Variants in HECW1 observed in about 807,000 individuals in gnomAD.
The protein encoded by HECW1 is HECT, C2 and WW domain containing E3 ubiquitin protein ligase 1.
HECW1 carries 61 observed loss-of-function variants against 182.3 expected under a neutral mutation model. That is an observed-to-expected ratio of 0.33 (90% CI 0.27 to 0.41). HECW1 has a LOEUF of 0.41. Ranked by LOEUF, HECW1 falls within the 10% of genes least tolerant of loss-of-function variation. The pLI is 1.00. For synonymous variants in HECW1, 859 were observed against 832.6 expected, an observed-to-expected ratio of 1.03 and a Z score of -0.55; for missense variants, 1,739 against 2,108.9, an observed-to-expected ratio of 0.82 and a Z score of 3.44.
chr7:43,134,793 A>G (rs1787346030), intron 2 of HECW1, among the ~76,000 whole-genome samples: 1 of 152,154 alleles, frequency 6.6e-6, no homozygotes, highest in African/African-American at 2.4e-5. Context: ...CTTTTTCCCC[A>G]AGACTCTTGA....
At chr7:43,180,439 A>C (rs1472347644) in intron 2 of HECW1, among the ~76,000 whole-genome samples, 3 of 152,100 alleles carry the variant, frequency 2.0e-5, no homozygotes, top group Admixed American at 6.5e-5. Context: ...TCTGTCGCCC[A>C]GGCTGGAGTG....
At chr7:43,385,398 G>T (rs1484564376) in intron 6 of HECW1, among the ~76,000 whole-genome samples, 1 of 149,504 alleles carries the variant, frequency 6.7e-6, no homozygotes, top group Non-Finnish European at 1.5e-5. Flanking sequence ...TCTGTCTTCT[G>T]CCCTCTAATT....
At chr7:43,343,577 C>T (rs1310126644) in intron 5 of HECW1, among the ~76,000 whole-genome samples, 1 of 151,746 alleles carries the variant, frequency 6.6e-6, no homozygotes, top group East Asian at 1.9e-4. Flanking sequence ...TCATCCATGT[C>T]CCTGCAAAGG....
intron 2 of HECW1, among the ~76,000 whole-genome samples, chr7:43,190,200 A>G (rs1299191162): frequency 6.6e-6 from 1 of 151,862 alleles, no homozygotes; most frequent in Non-Finnish European, 1.5e-5. Flanking sequence ...TGCAACCTCC[A>G]CCTCCTGGGT....
intron 3 of HECW1, among the ~76,000 whole-genome samples, chr7:43,270,774 A>C (rs913877452): frequency 1.3e-5 from 2 of 152,264 alleles, no homozygotes; most frequent in African/African-American, 4.8e-5. Context: ...AAAGAGTTAA[A>C]TAATGTGGCA....
At chr7:43,447,362 G>A (rs2077090713) in intron 11 of HECW1, among the ~76,000 whole-genome samples, 1 of 152,172 alleles carries the variant, frequency 6.6e-6, no homozygotes, top group South Asian at 2.1e-4. Context: ...CCCTTTAGAG[G>A]CCAACAGTCT....
At chr7:43,280,000 C>G (rs1037486862) in intron 3 of HECW1, among the ~76,000 whole-genome samples, 5 of 152,202 alleles carry the variant, frequency 3.3e-5, no homozygotes, top group Non-Finnish European at 5.9e-5. Flanking sequence ...ATGGTCTTCA[C>G]AGCTCACTGG....
intron 2 of HECW1, among the ~76,000 whole-genome samples, chr7:43,231,786 G>A (rs1318614890): frequency 6.6e-6 from 1 of 152,028 alleles, no homozygotes; most frequent in African/African-American, 2.4e-5. Flanking sequence ...GGAGGCCAAG[G>A]TGGGCGGATC....
chr7:43,145,961 G>A (rs1238176421), intron 2 of HECW1, among the ~76,000 whole-genome samples: 1 of 152,168 alleles, frequency 6.6e-6, no homozygotes, highest in African/African-American at 2.4e-5. Context: ...TATGCGGTGA[G>A]AAGAAGCCAC....
intron 24 of HECW1, chr7:43,511,377 T>G (rs558403324): frequency 6.6e-6 from 1 of 152,382 alleles, no homozygotes; most frequent in Admixed American, 6.5e-5. Context: ...TGACTTGTGA[T>G]GAAATGGGCA....
At chr7:43,256,609 CAAA>C (rs756396122) in intron 3 of HECW1, among the ~76,000 whole-genome samples, 5 of 55,386 alleles carry the variant, frequency 9.0e-5, no homozygotes, top group Non-Finnish European at 1.7e-4. Flanking sequence ...AACTTCATCT[CAAA>C]AAAAAAAAAA....
chr7:43,306,866 G>T (rs1347643573), intron 3 of HECW1, among the ~76,000 whole-genome samples: 1 of 151,638 alleles, frequency 6.6e-6, no homozygotes, highest in African/African-American at 2.4e-5. Context: ...TTTTTTACAG[G>T]TTTTGTTTTT....
At position 43,501,338 on chromosome 7, in the gene HECW1, C is replaced by T. The variant is rs772340933; in HGVS notation, c.3631+16C>T. The T allele has an allele frequency of 6.4e-6, 9 of 1,414,124 alleles. No individual in the cohort carries two copies. The highest frequency in any genetic ancestry group is 7.0e-6 in the Non-Finnish European group (7 of 1,001,252). 87.6% of individuals were successfully genotyped at this position (1,414,124 alleles called of 1,614,324 possible). A position where few individuals can be genotyped will look rare whatever the true frequency, so the allele number is the denominator to read the frequency against. On this transcript the variant is annotated intron_variant, in intron 21 of 29. Transcript: ENST00000395891. ...AACTCCCCAGGTAACAGGAATCTGGCCTAATAGCTCCTGTTAAGTGGCCAC... is the reference window on the plus strand; with the variant it reads ...AACTCCCCAGGTAACAGGAATCTGGTCTAATAGCTCCTGTTAAGTGGCCAC...
rs750331366 is a variant in HECW1, at chr7:43,444,864, C to T, written c.1692C>T (p.His564=). The T allele has an allele frequency of 1.2e-6, 2 of 1,610,362 alleles. No individual in the cohort carries two copies. Among genetic ancestry groups the T allele is most frequent in the Admixed American group, 3.3e-5 (2 of 59,906 alleles). Residue 564 remains histidine, a synonymous_variant, in exon 11 of 30, where the codon CAC becomes CAT. Transcript: ENST00000395891. This position sits in a 1 kb window ranked among gnomAD's most constrained non-coding sequence, Gnocchi z 4.3. ...ETPRTHYIRI[H]TLLHSMPSAQ... is the part of the protein sequence containing the mutation. ...CGCGGACACACTACATCCGCATCCA[C>T]ACCCTGCTGCACAGCATGCCCTCCG...
intron 3 of HECW1, among the ~76,000 whole-genome samples, chr7:43,275,459 C>G (rs1803001099): frequency 6.6e-6 from 1 of 152,018 alleles, no homozygotes; most frequent in Admixed American, 6.5e-5. Flanking sequence ...TTGGTTTTCT[C>G]TGAATGCTTC....
chr7:43,444,737 T>C lies in HECW1; in HGVS notation c.1565T>C (p.Leu522Pro). The C allele has an allele frequency of 6.2e-7, 1 of 1,613,366 alleles. No individual in the cohort carries two copies. Residue 522 changes from leucine to proline, a missense_variant, in exon 11 of 30, where the codon CTG becomes CCG. Leu to Pro is a moderately conservative substitution (Grantham distance 98). Coordinates refer to ENST00000395891, the MANE Select transcript of HECW1 (RefSeq NM_015052.5). The surrounding 1 kb of genome is among the most constrained non-coding windows in gnomAD (Gnocchi z 4.3). ...VSTLEQGEGRLQLRASVKRKS... is the reference protein window; with the variant it reads ...VSTLEQGEGRPQLRASVKRKS... The stretch of plus-strand genomic sequence containing the variant: ...ACCCTGGAGCAGGGAGAGGGCAGGC[T>C]GCAGCTGCGGGCCTCGGTGAAGAGA...
At chr7:43,283,123 C>CA (rs555000439) in intron 3 of HECW1, among the ~76,000 whole-genome samples, 8,113 of 137,802 alleles carry the variant, frequency 0.059, 266 homozygotes, top group African/African-American at 0.11. Context: ...AGACTATCTC[C>CA]AAAAAAAAAA....
At chr7:43,383,700 T>C (rs2074651596) in intron 6 of HECW1, among the ~76,000 whole-genome samples, 1 of 152,210 alleles carries the variant, frequency 6.6e-6, no homozygotes, top group African/African-American at 2.4e-5. Flanking sequence ...GAAAATGCAG[T>C]TGGCCCTTGA....
intron 6 of HECW1, among the ~76,000 whole-genome samples, chr7:43,369,946 A>G (rs1195736443): frequency 1.3e-5 from 2 of 152,244 alleles, no homozygotes; most frequent in Non-Finnish European, 2.9e-5. Flanking sequence ...ACTAATTTAC[A>G]TCATTAAAGA....
Sources: allele counts gnomAD v4.1 joint callset (sites outside exome capture counted in the v4.1 genomes callset), GRCh38; gene constraint gnomAD v4.1.1; non-coding constraint Gnocchi (gnomAD v3.1); transcripts MANE v1.5; gene names NCBI Gene and HGNC (gene_info 2026-07-23, HGNC 2026-07-21).